The following MCF2L2 variants were observed in gnomAD, a reference collection of about 807,000 sequenced individuals.
The protein encoded by MCF2L2 is probable guanine nucleotide exchange factor MCF2L2.
MCF2L2 carries 102 observed loss-of-function variants against 150.2 expected under a neutral mutation model. The observed-to-expected ratio is 0.68, with a 90% CI of 0.58 to 0.80. MCF2L2 has a LOEUF of 0.80. Ranked by LOEUF, MCF2L2 falls within the 30% of genes least tolerant of loss-of-function variation. The pLI is 0.00. For missense variants in MCF2L2, 1,256 were observed against 1,372.8 expected (o/e 0.91, Z 1.34); for synonymous variants, 465 against 491.3 (o/e 0.95, Z 0.71).
intron 27 of MCF2L2, 145 bp downstream of exon 27, chr3:183,192,854 A>G: frequency 1.7e-6 from 1 of 595,498 alleles, no homozygotes; most frequent in South Asian, 2.3e-5. Context: ...TTGATTTTAA[A>G]CCACATGGTG....
chr3:183,341,566 C>T lies in MCF2L2; in HGVS notation c.340G>A (p.Val114Ile), dbSNP rs139888934. 7.8e-4 allele frequency: 1,257 copies of T among 1,613,920 alleles called. 2 individuals carry two copies. The highest frequency in any genetic ancestry group is 1.0e-3 in the South Asian group (93 of 91,076). Residue 114 changes from valine to isoleucine, a missense_variant, in exon 4 of 30, where the codon GTA (valine) becomes ATA (isoleucine). Val to Ile is a conservative substitution (Grantham distance 29). Transcript: ENST00000328913. The part of the protein sequence containing the change: ...IDRRRDKWSS[V>I]KASLTRIAVA... ...GCTATTCGTGTCAAGGATGCCTTTA[C>T]GGAGCTCCACTTGTCTCTTCGTCTG...
intron 1 of MCF2L2, among the ~76,000 whole-genome samples, chr3:183,402,133 T>G (rs113046278): frequency 1.3e-4 from 20 of 152,188 alleles, no homozygotes; most frequent in Middle Eastern, 3.4e-3. Flanking sequence ...ATTAATGAAA[T>G]GATTATCAAG....
intron 11 of MCF2L2, chr3:183,297,522 G>T: frequency 4.8e-6 from 1 of 210,176 alleles, no homozygotes; most frequent in Non-Finnish European, 9.8e-6. Flanking sequence ...GTGCAATTAT[G>T]GCTTAATGCA....
chr3:183,291,580 T>G (rs1386742759), intron 13 of MCF2L2, among the ~76,000 whole-genome samples: 2 of 152,238 alleles, frequency 1.3e-5, no homozygotes, highest in African/African-American at 4.8e-5. Flanking sequence ...TTCCAGCTCT[T>G]AAGCCCCTCC....
At chr3:183,381,452 C>G (rs921065626) in intron 2 of MCF2L2, among the ~76,000 whole-genome samples, 3 of 152,190 alleles carry the variant, frequency 2.0e-5, no homozygotes, top group African/African-American at 7.2e-5. Flanking sequence ...GTGCTGACTC[C>G]AAGCCTGATA....
At chr3:183,351,234 A>ATATATATATT (rs1553786140) in intron 3 of MCF2L2, among the ~76,000 whole-genome samples, 10 of 60,422 alleles carry the variant, frequency 1.7e-4, no homozygotes, top group Admixed American at 3.8e-4. Context: ...ATATATATAT[A>ATATATATATT]TATTTATTTA....
At chr3:183,204,338 T>C (rs947902105) in intron 25 of MCF2L2, among the ~76,000 whole-genome samples, 2 of 152,126 alleles carry the variant, frequency 1.3e-5, no homozygotes, top group African/African-American at 4.8e-5. Context: ...TAACTGACAT[T>C]TCTACAAAGA....
At chr3:183,268,364 G>T (rs1726360941) in intron 15 of MCF2L2, among the ~76,000 whole-genome samples, 1 of 152,178 alleles carries the variant, frequency 6.6e-6, no homozygotes, top group South Asian at 2.1e-4. Flanking sequence ...TTTTACAAAG[G>T]TCACGCTGAC....
chr3:183,273,817 G>C (rs1256562674), intron 15 of MCF2L2, among the ~76,000 whole-genome samples: 7 of 152,186 alleles, frequency 4.6e-5, no homozygotes, highest in Admixed American at 4.6e-4. Flanking sequence ...TTCTAGCCCA[G>C]GAGCAATAGG....
At chr3:183,257,198 G>A (rs1208781352) in intron 15 of MCF2L2, among the ~76,000 whole-genome samples, 3 of 152,178 alleles carry the variant, frequency 2.0e-5, no homozygotes, top group African/African-American at 7.2e-5. Context: ...ATGATCCTGA[G>A]AAAACACTGG....
chr3:183,320,094 CTTTTTTTTTT>C (rs568657208), intron 6 of MCF2L2, among the ~76,000 whole-genome samples: 2 of 134,662 alleles, frequency 1.5e-5, no homozygotes, highest in African/African-American at 5.6e-5. Context: ...TTTTTCTTTT[CTTTTTTTTTT>C]TTTTTTGAGA....
At chr3:183,328,433 T>C (rs1189564080) in intron 5 of MCF2L2, among the ~76,000 whole-genome samples, 2 of 151,938 alleles carry the variant, frequency 1.3e-5, no homozygotes, top group Admixed American at 6.6e-5. Context: ...AGCCCTCAAC[T>C]TGTGGGATCT....
intron 27 of MCF2L2, among the ~76,000 whole-genome samples, chr3:183,190,514 G>A (rs986494322): frequency 6.6e-6 from 1 of 152,262 alleles, no homozygotes; most frequent in African/African-American, 2.4e-5. Context: ...AAGAAGCCAG[G>A]CACAGACGTG....
chr3:183,361,549 C>A (rs533555554), intron 3 of MCF2L2, among the ~76,000 whole-genome samples: 1 of 152,292 alleles, frequency 6.6e-6, no homozygotes, highest in African/African-American at 2.4e-5. Flanking sequence ...GTAAGGCATG[C>A]TTGCTTCCCC....
intron 21 of MCF2L2, among the ~76,000 whole-genome samples, chr3:183,216,794 G>A (rs1408312673): frequency 2.7e-5 from 4 of 149,364 alleles, no homozygotes; most frequent in East Asian, 2.0e-4. Context: ...TAGTAGAGAC[G>A]GAGTTTCGCC....
chr3:183,190,021 A>G (rs1018833406), intron 27 of MCF2L2, among the ~76,000 whole-genome samples: 5 of 152,144 alleles, frequency 3.3e-5, no homozygotes, highest in African/African-American at 1.2e-4. Flanking sequence ...GAGAGGCTAA[A>G]TGTTGGCAGG....
rs1722119858 is a variant in MCF2L2, at chr3:183,197,644, C to G, written c.2885-2389G>C. On this transcript the variant is annotated intron_variant, in intron 25 of 29. Coordinates refer to ENST00000328913, the MANE Select transcript of MCF2L2 (RefSeq NM_015078.4). This position sits in a 1 kb window ranked among gnomAD's most constrained non-coding sequence, Gnocchi z 4.5. ...ATAAGAATTAAAGTCTTTTGCTCTT[C>G]AAAAGTCACTCTTAAGAGAAAAAGA... Among the ~76,000 whole-genome samples the G allele has an allele frequency of 6.6e-6, 1 of 152,026 alleles. No individual in the cohort carries two copies. Among genetic ancestry groups the G allele is most frequent in the African/African-American group, 2.4e-5 (1 of 41,398 alleles).
intron 3 of MCF2L2, chr3:183,378,612 A>G (rs1713328760): frequency 6.6e-6 from 1 of 152,192 alleles, no homozygotes; most frequent in East Asian, 1.9e-4. Context: ...ATCTGCCCCT[A>G]ATTTTCTTAT....
chr3:183,428,260 C>A lies in MCF2L2; in HGVS notation c.-283G>T, dbSNP rs1716276555. On this transcript the variant is annotated 5_prime_UTR_variant, in exon 1 of 30. Transcript: ENST00000328913. The surrounding 1 kb of genome is among the most constrained non-coding windows in gnomAD (Gnocchi z 5.1). Reference sequence around the variant, plus strand: ...AAAAGGAAGCAAGTCGCCAATCTCGCCGGAACCGCGCCCCGGCTCCTCCGG... The same window carrying A: ...AAAAGGAAGCAAGTCGCCAATCTCGACGGAACCGCGCCCCGGCTCCTCCGG... 1 of 390,180 alleles carries A rather than the reference C, an allele frequency of 2.6e-6. No individual in the cohort carries two copies. The highest frequency in any genetic ancestry group is 4.7e-5 in the Admixed American group (1 of 21,470). The allele number at this position is 390,180 out of a possible 1,614,324, so 24.2% of individuals were successfully genotyped here.
Sources: allele counts gnomAD v4.1 joint callset (sites outside exome capture counted in the v4.1 genomes callset), GRCh38; gene constraint gnomAD v4.1.1; non-coding constraint Gnocchi (gnomAD v3.1); transcripts MANE v1.5; gene names NCBI Gene and HGNC (gene_info 2026-07-23, HGNC 2026-07-21).